ENKUR: variants seen among roughly 807,000 people sequenced by gnomAD.
The protein encoded by ENKUR is enkurin.
A neutral mutation model predicts 27.6 loss-of-function variants in ENKUR; 19 were observed. The observed-to-expected ratio is 0.69, with a 90% confidence interval of 0.48 to 1.01. The LOEUF is 1.01. ENKUR is among the 50% of genes least tolerant of loss of function. The pLI is 0.00. For synonymous variants in ENKUR, 117 were observed against 96.9 expected (o/e 1.21, Z -1.22); for missense variants, 312 against 310.5 (o/e 1.00, Z -0.04).
chr10:25,000,818 T>C (rs189900050), intron 1 of ENKUR, among the ~76,000 whole-genome samples: 2 of 152,232 alleles, frequency 1.3e-5, no homozygotes, highest in Admixed American at 1.3e-4. Context: ...AGCTTGCTGT[T>C]TTTTTACATA....
At chr10:25,040,926 A>G (rs894946806) in intron 2 of ENKUR, among the ~76,000 whole-genome samples, 1 of 152,226 alleles carries the variant, frequency 6.6e-6, no homozygotes, top group Non-Finnish European at 1.5e-5. Context: ...TTAACACTTA[A>G]CAAGATTGTG....
chr10:25,007,520 C>T (rs763783502), intron 1 of ENKUR, among the ~76,000 whole-genome samples: 23 of 152,130 alleles, frequency 1.5e-4, no homozygotes, highest in Non-Finnish European at 3.1e-4. Context: ...CTGCAAGCTC[C>T]GCCTCCCGGG....
chr10:25,031,993 A>T (rs1048977297), intron 2 of ENKUR, among the ~76,000 whole-genome samples: 1 of 152,132 alleles, frequency 6.6e-6, no homozygotes, highest in African/African-American at 2.4e-5. Context: ...AATTATAGTT[A>T]GAAAATTCAT....
intron 3 of ENKUR, among the ~76,000 whole-genome samples, chr10:24,991,044 G>A (rs1298713503): frequency 6.6e-6 from 1 of 152,186 alleles, no homozygotes; most frequent in Non-Finnish European, 1.5e-5. Flanking sequence ...AGGTTACAGT[G>A]AGCCAAGGTG....
chr10:25,006,299 C>T (rs1445864706), intron 1 of ENKUR, among the ~76,000 whole-genome samples: 5 of 152,006 alleles, frequency 3.3e-5, no homozygotes, highest in African/African-American at 4.8e-5. Flanking sequence ...TGTAGAAGTG[C>T]GGCTGAAATC....
At chr10:25,019,376 A>C (rs1850673614), upstream of ENKUR, among the ~76,000 whole-genome samples, 1 of 152,154 alleles carries the variant, frequency 6.6e-6, no homozygotes, top group African/African-American at 2.4e-5. Context: ...TGGGAGGCTG[A>C]GGTGGGAGGA....
At chr10:24,995,164 T>C (rs1370743573) in intron 3 of ENKUR, among the ~76,000 whole-genome samples, 1 of 152,188 alleles carries the variant, frequency 6.6e-6, no homozygotes, top group Non-Finnish European at 1.5e-5. Flanking sequence ...AATATATTCA[T>C]GTTAAAATAG....
At chr10:25,034,733 T>A (rs1850989399) in intron 2 of ENKUR, among the ~76,000 whole-genome samples, 1 of 152,216 alleles carries the variant, frequency 6.6e-6, no homozygotes, top group Non-Finnish European at 1.5e-5. Context: ...AGTAATGTAA[T>A]GTAATCCTAA....
At chr10:25,023,446 A>G (rs200525087) in intron 2 of ENKUR, 2 of 1,614,172 alleles carry the variant, frequency 1.2e-6, no homozygotes, top group East Asian at 2.2e-5. Context: ...AGGCAGAATA[A>G]TAGGTCAGAA....
chr10:24,999,108 T>A (rs535956517), intron 2 of ENKUR, among the ~76,000 whole-genome samples: 1 of 152,356 alleles, frequency 6.6e-6, no homozygotes, highest in East Asian at 1.9e-4. Flanking sequence ...TGACTTTTCC[T>A]ATAATTGTTG....
intron 2 of ENKUR, among the ~76,000 whole-genome samples, chr10:25,059,630 C>T (rs1851304771): frequency 6.6e-6 from 1 of 152,038 alleles, no homozygotes; most frequent in Non-Finnish European, 1.5e-5. Context: ...GGGCACCCCC[C>T]AAAAAATGCT....
intron 2 of ENKUR, among the ~76,000 whole-genome samples, chr10:25,057,407 ACACACACACACACACACACAC>A (rs1851273199): frequency 1.3e-5 from 2 of 149,566 alleles, no homozygotes; most frequent in African/African-American, 2.5e-5. Flanking sequence ...ACACACACAC[ACACACACACACACACACACAC>A]AATGCCCTTA....
At chr10:25,046,851 T>C (rs987040850) in intron 2 of ENKUR, among the ~76,000 whole-genome samples, 1 of 152,234 alleles carries the variant, frequency 6.6e-6, no homozygotes, top group African/African-American at 2.4e-5. Context: ...AAGGGCTTTG[T>C]TGAATGGTGG....
At chr10:25,002,026 G>A (rs1850198249) in intron 1 of ENKUR, among the ~76,000 whole-genome samples, 1 of 152,100 alleles carries the variant, frequency 6.6e-6, no homozygotes, top group African/African-American at 2.4e-5. Context: ...CTGGGATTCA[G>A]TTATGATAGT....
In ENKUR at chr10:25,044,422, C is replaced by A. The variant is rs146411398; in HGVS notation, c.37+16690G>T. ...TTTGTTTGTTTTTTCTTAGAGATAGCGTTTCACTCGGTCACCCAGGCTGGA... is the reference window on the plus strand; with the variant it reads ...TTTGTTTGTTTTTTCTTAGAGATAGAGTTTCACTCGGTCACCCAGGCTGGA... On this transcript the variant is annotated intron_variant, in intron 2 of 5. Coordinates refer to the ENKUR transcript ENST00000615958. 5.9e-3 allele frequency among the ~76,000 whole-genome samples: 900 copies of A among 152,138 alleles called. 12 individuals are homozygous for A. The highest frequency in any genetic ancestry group is 0.019 in the African/African-American group (808 of 41,512).
chr10:25,037,781 T>C (rs568487020), intron 2 of ENKUR, among the ~76,000 whole-genome samples: 1 of 152,326 alleles, frequency 6.6e-6, no homozygotes, highest in South Asian at 2.1e-4. Flanking sequence ...TTGACTTCAC[T>C]TCATTGTTCC....
At position 25,015,876 on chromosome 10, in the gene ENKUR, G is replaced by T. The variant is rs762609722; in HGVS notation, c.61C>A (p.Pro21Thr). The change falls in exon 1 of 6, where the codon CCT becomes ACT. Residue 21 changes from proline (P) to threonine (T), a missense_variant. Pro to Thr is a conservative substitution (Grantham distance 38). Transcript: ENST00000331161. Reference sequence around the variant, plus strand: ...TCCACATACCTAGGAGGCTGGGGAGGCTCCTTCAAGTCACTGGGTATGAGG... The same window carrying T: ...TCCACATACCTAGGAGGCTGGGGAGTCTCCTTCAAGTCACTGGGTATGAGG... ...YNLIPSDLKE[P>T]PQPPRYISIF... The T allele has an allele frequency of 6.2e-7, 1 of 1,605,404 alleles. No individual in the cohort carries two copies. The highest frequency in any genetic ancestry group is 8.5e-7 in the Non-Finnish European group (1 of 1,175,686).
At chr10:25,032,320 G>GA (rs1850944816) in intron 2 of ENKUR, among the ~76,000 whole-genome samples, 3 of 149,722 alleles carry the variant, frequency 2.0e-5, no homozygotes, top group African/African-American at 7.5e-5. Context: ...AAGAAGGGGG[G>GA]GGGGCTATGA....
chr10:25,033,728 G>A (rs1483097479), intron 2 of ENKUR, among the ~76,000 whole-genome samples: 1 of 152,122 alleles, frequency 6.6e-6, no homozygotes, highest in African/African-American at 2.4e-5. Flanking sequence ...AACAGTGAAA[G>A]TGCAACATAA....
Sources: allele counts gnomAD v4.1 joint callset (sites outside exome capture counted in the v4.1 genomes callset), GRCh38; gene constraint gnomAD v4.1.1; transcripts MANE v1.5; gene names NCBI Gene and HGNC (gene_info 2026-07-23, HGNC 2026-07-21).